Variants in DHCR24 observed in about 807,000 individuals in gnomAD.
DHCR24 encodes 24-dehydrocholesterol reductase, also known as delta(24)-sterol reductase.
In DHCR24, 28 loss-of-function variants were observed where a neutral mutation model predicts 61.2. That is an observed-to-expected ratio of 0.46 (90% confidence interval 0.34 to 0.63). The LOEUF is 0.63. DHCR24 is among the 20% of genes least tolerant of loss of function. The pLI is 0.01. For missense variants in DHCR24, 538 were observed against 679.1 expected (o/e 0.79, Z 2.31); for synonymous variants, 261 against 275.9 (o/e 0.95, Z 0.54).
At chr1:54,881,920 T>C (rs1369183272) in intron 2 of DHCR24, among the ~76,000 whole-genome samples, 1 of 152,066 alleles carries the variant, frequency 6.6e-6, no homozygotes, top group Non-Finnish European at 1.5e-5. Flanking sequence ...GGGAGCTAAA[T>C]GATGAGAACA....
intron 6 of DHCR24, among the ~76,000 whole-genome samples, 153 bp from the exon 7 acceptor site, chr1:54,854,387 G>A (rs1435865332): frequency 6.6e-6 from 1 of 152,234 alleles, no homozygotes; most frequent in Non-Finnish European, 1.5e-5. Flanking sequence ...ATGGGACCTA[G>A]GACTTTACCA....
chr1:54,880,298 G>C (rs934811799), intron 2 of DHCR24, among the ~76,000 whole-genome samples: 1 of 152,092 alleles, frequency 6.6e-6, no homozygotes, highest in East Asian at 1.9e-4. Flanking sequence ...TAAATAAACT[G>C]AAGAGCCCAG....
At chr1:54,880,331 T>C (rs1446733399) in intron 2 of DHCR24, among the ~76,000 whole-genome samples, 1 of 152,224 alleles carries the variant, frequency 6.6e-6, no homozygotes, top group East Asian at 1.9e-4. Context: ...AAATTGAATT[T>C]GTGCTTAAAA....
chr1:54,863,462 T>A (rs1351048424), intron 6 of DHCR24, among the ~76,000 whole-genome samples: 1 of 152,154 alleles, frequency 6.6e-6, no homozygotes, highest in Non-Finnish European at 1.5e-5. Context: ...TCACCATAGC[T>A]CAGCGTGGGC....
At chr1:54,875,829 T>A in intron 3 of DHCR24, 113 bp downstream of exon 3, 1 of 823,384 alleles carries the variant, frequency 1.2e-6, no homozygotes, top group Non-Finnish European at 2.1e-6. Flanking sequence ...GAATGACTTC[T>A]GTCACAGATG....
intron 6 of DHCR24, among the ~76,000 whole-genome samples, chr1:54,857,906 T>C (rs1646916214): frequency 1.3e-5 from 2 of 152,150 alleles, no homozygotes; most frequent in South Asian, 4.1e-4. Flanking sequence ...GTGACCAGAA[T>C]GGACTAATCA....
intron 7 of DHCR24, 46 bp from the exon 8 acceptor site, chr1:54,853,658 G>A: frequency 6.3e-7 from 1 of 1,580,422 alleles, no homozygotes; most frequent in Non-Finnish European, 8.6e-7. Context: ...TCTCCAACAG[G>A]TGACAGGCTC....
intron 6 of DHCR24, among the ~76,000 whole-genome samples, chr1:54,861,653 C>T (rs922487527): frequency 6.6e-6 from 1 of 152,174 alleles, no homozygotes; most frequent in African/African-American, 2.4e-5. Flanking sequence ...CCCTGCAAAA[C>T]CTCAGCCATG....
Position 54,875,175 on chromosome 1 carries a change from G to A in DHCR24, c.530C>T (p.Ser177Phe). ...GTGTTGGAACAGGCCGTACTTGTGG[G>A]ATGATGACTCGATGCCTGTGCCCAT... ...LIMGTGIESSSHKYGLFQHIC... is the reference protein window; with the variant it reads ...LIMGTGIESSFHKYGLFQHIC... Residue 177 changes from serine to phenylalanine, a missense_variant, in exon 4 of 9, where the codon TCC (serine) becomes TTC (phenylalanine). Transcript: ENST00000371269. The A allele has an allele frequency of 6.2e-7, 1 of 1,614,194 alleles. No homozygotes were observed. Among genetic ancestry groups the A allele is most frequent in the Non-Finnish European group, 8.5e-7 (1 of 1,180,046 alleles).
chr1:54,880,381 C>A (rs1647057639), intron 2 of DHCR24, among the ~76,000 whole-genome samples: 1 of 152,196 alleles, frequency 6.6e-6, no homozygotes, highest in Non-Finnish European at 1.5e-5. Flanking sequence ...GAGAGCTTCA[C>A]TTTAAGGTTT....
In DHCR24 at chr1:54,860,509, T is replaced by A. The variant is rs1263529689; in HGVS notation, c.1020+4794A>T. ...GTCCCCCTGGCCCCTCATTACTGCT[T>A]CCAGATCTCTGTTCCTCCCCCATGC... On this transcript the variant is annotated intron_variant, in intron 6 of 8. Coordinates refer to ENST00000371269, the MANE Select transcript of DHCR24 (RefSeq NM_014762.4). Among the ~76,000 whole-genome samples, 20 of 152,058 alleles carry A rather than the reference T, an allele frequency of 1.3e-4. 1 individual carries two copies.
At chr1:54,868,217 T>G (rs1297148570) in intron 5 of DHCR24, among the ~76,000 whole-genome samples, 1 of 152,188 alleles carries the variant, frequency 6.6e-6, no homozygotes, top group Non-Finnish European at 1.5e-5. Flanking sequence ...ACGCCCGTAA[T>G]CCCAACACTT....
At chr1:54,865,519 C>G in intron 5 of DHCR24, 73 bp from the exon 6 acceptor site, 1 of 1,597,322 alleles carries the variant, frequency 6.3e-7, no homozygotes, top group Non-Finnish European at 8.5e-7. Flanking sequence ...ACAGCGACAC[C>G]CGGCTTCTGT....
chr1:54,865,430 T>C lies in DHCR24; in HGVS notation c.893A>G (p.Asn298Ser), dbSNP rs1557433747. The C allele has an allele frequency of 1.2e-6, 2 of 1,614,164 alleles. No homozygotes were observed. Among genetic ancestry groups the C allele is most frequent in the Non-Finnish European group, 1.7e-6 (2 of 1,180,044 alleles). ...CTTAAAGAACCACGGCTTGTAGTAA[T>C]TGCCAATGCTATTCAGCTGAAATGA... is the stretch of plus-strand genomic sequence containing the variant. ...AEPSKLNSIG[N>S]YYKPWFFKHV... The change falls in exon 6 of 9, where the codon AAT (asparagine) becomes AGT (serine). Residue 298 changes from asparagine (N) to serine (S), a missense_variant. Asn to Ser is a conservative substitution (Grantham distance 46). Coordinates refer to ENST00000371269, the MANE Select transcript of DHCR24 (RefSeq NM_014762.4).
intron 2 of DHCR24, among the ~76,000 whole-genome samples, chr1:54,878,120 G>A (rs578099320): frequency 6.6e-6 from 1 of 152,188 alleles, no homozygotes; most frequent in African/African-American, 2.4e-5. Context: ...AATGCAAAAG[G>A]CGTCCTTGGG....
chr1:54,855,889 CCT>C (rs1490774296), intron 6 of DHCR24, among the ~76,000 whole-genome samples: 1 of 152,254 alleles, frequency 6.6e-6, no homozygotes, highest in African/African-American at 2.4e-5. Flanking sequence ...CATTCCTGAC[CCT>C]GTTTCCCTCC....
chr1:54,864,692 C>T (rs1646957490), intron 6 of DHCR24, among the ~76,000 whole-genome samples: 1 of 152,172 alleles, frequency 6.6e-6, no homozygotes, highest in Non-Finnish European at 1.5e-5. Context: ...TAGCCCAGCT[C>T]AAGCCCTGGG....
intron 1 of DHCR24, chr1:54,886,522 C>T: frequency 9.1e-7 from 1 of 1,102,248 alleles, no homozygotes. Context: ...CACACACCTT[C>T]CCCCAATCAT....
intron 2 of DHCR24, among the ~76,000 whole-genome samples, chr1:54,882,818 T>A (rs1647071505): frequency 6.6e-6 from 1 of 152,154 alleles, no homozygotes; most frequent in Non-Finnish European, 1.5e-5. Context: ...AAGGTCATTG[T>A]TTGCCTAAGG....
Sources: gnomAD v4.1 joint callset for allele counts (sites outside exome capture counted in the v4.1 genomes callset) on GRCh38, gnomAD v4.1.1 for gene constraint, MANE v1.5 for transcripts, NCBI Gene and HGNC (gene_info 2026-07-23, HGNC 2026-07-21) for gene names.